The following USP3 variants were observed in gnomAD, a reference collection of about 807,000 sequenced individuals.
USP3 encodes the protein ubiquitin specific peptidase 3.
USP3 carries 20 observed loss-of-function variants against 72.3 expected under a neutral mutation model. That is an observed-to-expected ratio of 0.28 (90% CI 0.19 to 0.40). The LOEUF (loss-of-function observed/expected upper bound fraction) is 0.40. USP3 is among the 10% of genes least tolerant of loss of function. USP3 has a pLI of 1.00. For synonymous variants in USP3, 222 were observed against 225.3 expected, an observed-to-expected ratio of 0.99 and a Z score of 0.13; for missense variants, 479 against 633.9, an observed-to-expected ratio of 0.76 and a Z score of 2.62.
rs575819554 is a variant in USP3 at position 63,552,158 on chromosome 15, GT to G, written c.285-1553del. Among the ~76,000 whole-genome samples, 24 of 152,230 alleles carry G rather than the reference GT, an allele frequency of 1.6e-4. 1 individual carries two copies. In the East Asian group the frequency reaches 4.6e-3, roughly 29 times the overall value. The stretch of plus-strand genomic sequence containing the variant: ...TTCCAGATAAATGCTAGCATTTCGA[GT>G]TTTGGACACTGAGGATTGTTTTATT... On this transcript the variant is annotated intron_variant, in intron 3 of 14. Transcript: ENST00000380324.
chr15:63,588,126 A>ATAATAGTTCTTCAAAGTAGG lies in USP3; in HGVS notation c.1097-176_1097-157dup. On this transcript the variant is annotated intron_variant, in intron 11 of 14. Coordinates refer to ENST00000380324, the MANE Select transcript of USP3 (RefSeq NM_006537.4). The surrounding 1 kb of genome is among the most constrained non-coding windows in gnomAD (Gnocchi z 4.6). ...GCTCTACACATTATTTCTCTTCCTTATAATAGTTCTTCAAAGTAGGTATTA... is the reference window on the plus strand; with the variant it reads ...GCTCTACACATTATTTCTCTTCCTTATAATAGTTCTTCAAAGTAGGTAATAGTTCTTCAAAGTAGGTATTA... 2.0e-6 allele frequency: 1 copy of ATAATAGTTCTTCAAAGTAGG among 503,124 alleles called. No individual in the cohort carries two copies. The highest frequency in any genetic ancestry group is 3.5e-6 in the Non-Finnish European group (1 of 287,400). The allele number at this position is 503,124 out of a possible 1,614,324, so 31.2% of individuals were successfully genotyped here. A position where few individuals can be genotyped will look rare whatever the true frequency, so the allele number is the denominator to read the frequency against.
Position 63,594,616 on chromosome 15 carries a change from A to G in USP3, c.*3790A>G, listed in dbSNP as rs1213205214. On this transcript the variant is annotated 3_prime_UTR_variant, in exon 15 of 15. Coordinates refer to ENST00000380324, the MANE Select transcript of USP3 (RefSeq NM_006537.4). ...CTGAACTGTTTTTAAAAATATCATT[A>G]AAAGTCTGTTCTCTTTCCTTTTGAC... The G allele has an allele frequency of 6.6e-6, 1 of 152,246 alleles. No homozygotes were observed. Among genetic ancestry groups the G allele is most frequent in the Non-Finnish European group, 1.5e-5 (1 of 68,044 alleles). 9.4% of individuals were successfully genotyped at this position (152,246 alleles called of 1,614,324 possible).
intron 6 of USP3, 41 bp from the exon 7 acceptor site, chr15:63,559,811 CCTATT>C (rs1364551013): frequency 1.3e-6 from 2 of 1,514,550 alleles, no homozygotes; most frequent in East Asian, 2.4e-5. Flanking sequence ...TCTTTACAGT[CCTATT>C]CTTTTCTTTT....
In USP3 at chr15:63,524,586, C is replaced by A. The variant is rs115184535; in HGVS notation, c.92-8061C>A. Among the ~76,000 whole-genome samples, 784 of 152,240 alleles carry A rather than the reference C, an allele frequency of 5.1e-3. 8 individuals carry two copies. The highest frequency in any genetic ancestry group is 0.018 in the African/African-American group (742 of 41,540). ...AGTTACCAGACGTGTGTTAAGAAGA[C>A]ACTTTGGAGGAGGATGTTCTGGAGT... On this transcript the variant is annotated intron_variant, in intron 1 of 14. Coordinates refer to ENST00000380324, the MANE Select transcript of USP3 (RefSeq NM_006537.4).
chr15:63,504,940 G>A, intron 1 of USP3, 110 bp downstream of exon 1: 1 of 797,948 alleles, frequency 1.3e-6, no homozygotes, highest in Non-Finnish European at 1.6e-6. Flanking sequence ...GAGGGGCGAG[G>A]GCGAGCCGGG....
At chr15:63,563,398 A>G (rs2066638764) in intron 8 of USP3, among the ~76,000 whole-genome samples, 1 of 152,226 alleles carries the variant, frequency 6.6e-6, no homozygotes, top group African/African-American at 2.4e-5. Flanking sequence ...AGTGCATGGT[A>G]TTATATGAAC....
intron 1 of USP3, among the ~76,000 whole-genome samples, chr15:63,519,935 G>A (rs1340926286): frequency 1.3e-5 from 2 of 152,042 alleles, no homozygotes; most frequent in African/African-American, 4.8e-5. Context: ...GCTGGTGGGA[G>A]CACCCTTAAG....
At chr15:63,518,986 G>C (rs2160828) in intron 1 of USP3, among the ~76,000 whole-genome samples, 113,955 of 152,022 alleles carry the variant, frequency 0.75, 44,295 homozygotes, top group Non-Finnish European at 0.81. Context: ...AGGATGGTCT[G>C]GATCTCTTGA....
rs77783886 is a variant in USP3, at chr15:63,541,088, C to G, written c.284+3932C>G. Among the ~76,000 whole-genome samples, 1,159 of 152,224 alleles carry G rather than the reference C, an allele frequency of 7.6e-3. 15 individuals are homozygous for G. Among genetic ancestry groups the G allele is most frequent in the African/African-American group, 0.027 (1,103 of 41,528 alleles). ...TGAACCAATAATTTTTGACATCTGA[C>G]ATAGTCTTGTCAACTTCGATATCCT... is the stretch of plus-strand genomic sequence containing the variant. On this transcript the variant is annotated intron_variant, in intron 3 of 14. Coordinates refer to ENST00000380324, the MANE Select transcript of USP3 (RefSeq NM_006537.4).
intron 3 of USP3, among the ~76,000 whole-genome samples, chr15:63,546,847 A>C (rs1485437404): frequency 1.3e-5 from 2 of 152,134 alleles, no homozygotes; most frequent in African/African-American, 2.4e-5. Flanking sequence ...TGACCTCGTG[A>C]TCTGCCCACC....
chr15:63,559,639 T>G (rs906656587), intron 6 of USP3, among the ~76,000 whole-genome samples: 2 of 152,222 alleles, frequency 1.3e-5, no homozygotes, highest in Non-Finnish European at 2.9e-5. Context: ...CTTTGTTTTT[T>G]GTTTTTGTTT....
At chr15:63,531,059 G>C (rs1310502568) in intron 1 of USP3, among the ~76,000 whole-genome samples, 1 of 152,198 alleles carries the variant, frequency 6.6e-6, no homozygotes, top group Non-Finnish European at 1.5e-5. Flanking sequence ...GAAAAGGGAA[G>C]GCCTTTGGCA....
intron 1 of USP3, among the ~76,000 whole-genome samples, chr15:63,521,865 A>G (rs2065925000): frequency 6.6e-6 from 1 of 152,218 alleles, no homozygotes; most frequent in Non-Finnish European, 1.5e-5. Flanking sequence ...GATAGGCCTC[A>G]GAGGATTGAT....
At chr15:63,567,297 C>T (rs1186746684) in intron 8 of USP3, among the ~76,000 whole-genome samples, 1 of 151,736 alleles carries the variant, frequency 6.6e-6, no homozygotes, top group Admixed American at 6.6e-5. Context: ...GCCTCAGCCT[C>T]CCGAGTAGCT....
rs1555446528 is a variant in USP3 at position 63,547,888 on chromosome 15, G to GAGGCAT, written c.285-5825_285-5824insGCATAG. ...GCATAGAGAGAGAGAGAGAGAGAGA[G>GAGGCAT]AGAGAGAGGCATAGAGAGAGGCATA... On this transcript the variant is annotated intron_variant, in intron 3 of 14. Transcript: ENST00000380324. 3.0e-3 allele frequency among the ~76,000 whole-genome samples: 217 copies of GAGGCAT among 73,296 alleles called. 29 individuals carry two copies. The highest frequency in any genetic ancestry group is 7.1e-3 in the Admixed American group (55 of 7,756). The allele number at this position is 73,296 out of a possible 152,430, so 48.1% of individuals were successfully genotyped here.
chr15:63,589,133 T>G (rs117261523), intron 14 of USP3, 122 bp downstream of exon 14: 13,113 of 1,158,340 alleles, frequency 0.011, 112 homozygotes, highest in Non-Finnish European at 0.014. Context: ...GTAGGTGAAA[T>G]TTCCTTCAGT....
At chr15:63,546,659 G>A (rs184151770) in intron 3 of USP3, among the ~76,000 whole-genome samples, 144 of 152,192 alleles carry the variant, frequency 9.5e-4, no homozygotes, top group African/African-American at 3.3e-3. Context: ...GAATGCAGTG[G>A]CCTGATCTCA....
chr15:63,514,979 T>C (rs1306204179), intron 1 of USP3, among the ~76,000 whole-genome samples: 1 of 152,234 alleles, frequency 6.6e-6, no homozygotes, highest in Non-Finnish European at 1.5e-5. Flanking sequence ...TTTTATTTTC[T>C]ATATGATCAG....
chr15:63,592,335 T>G lies in USP3; in HGVS notation c.*1509T>G, dbSNP rs1222458394. The stretch of plus-strand genomic sequence containing the variant: ...TGTTCTAAGACAGTCCTGTGGTGGT[T>G]TTTTTTTTTTCTTTTTTTTGGTTGG... On this transcript the variant is annotated 3_prime_UTR_variant, in exon 15 of 15. Transcript: ENST00000380324. The G allele has an allele frequency of 1.4e-4, 2 of 14,368 alleles. No homozygotes were observed. The highest frequency in any genetic ancestry group is 5.4e-4 in the Non-Finnish European group (1 of 1,862). 0.9% of individuals were successfully genotyped at this position (14,368 alleles called of 1,614,324 possible).
Sources: allele counts gnomAD v4.1 joint callset (sites outside exome capture counted in the v4.1 genomes callset), GRCh38; gene constraint gnomAD v4.1.1; non-coding constraint Gnocchi (gnomAD v3.1); transcripts MANE v1.5; gene names NCBI Gene and HGNC (gene_info 2026-07-23, HGNC 2026-07-21).